The following TUNAR variants were observed in gnomAD, a reference collection of about 807,000 sequenced individuals.
TUNAR encodes transmembrane neural differentiation associated intracellular calcium regulator.
At chr14:95,891,656 T>C (rs774109183) in intron 2 of TUNAR, among the ~76,000 whole-genome samples, 2 of 152,246 alleles carry the variant, frequency 1.3e-5, no homozygotes, top group Non-Finnish European at 2.9e-5. Context: ...TGGGAAGCTG[T>C]TCCTGATCTT....
At chr14:95,897,959 C>T (rs1359126351) in intron 2 of TUNAR, among the ~76,000 whole-genome samples, 1 of 151,780 alleles carries the variant, frequency 6.6e-6, no homozygotes, top group East Asian at 1.9e-4. Context: ...TGTTTTGTTT[C>T]TTCTGGAGAG....
At chr14:95,905,743 T>A (rs1048319656) in intron 2 of TUNAR, among the ~76,000 whole-genome samples, 1 of 152,218 alleles carries the variant, frequency 6.6e-6, no homozygotes, top group African/African-American at 2.4e-5. Flanking sequence ...CATCGGTAGA[T>A]CTTGTCCACA....
At position 95,924,337 on chromosome 14, in the gene TUNAR, C is replaced by T. The variant is rs1201928331; in HGVS notation, c.*1371C>T. On this transcript the variant is annotated 3_prime_UTR_variant, in exon 3 of 3. Coordinates refer to ENST00000678517, the Ensembl canonical transcript of TUNAR. ...TTTTAAAGCCCCTGGTTTACACCCA[C>T]ATGAAGCTATTTCCTCTCTGGCAGG... 2.6e-5 allele frequency: 4 copies of T among 152,262 alleles called. No homozygotes were observed. In the East Asian group the frequency reaches 5.8e-4, roughly 22 times the overall value. 9.4% of individuals were successfully genotyped at this position (152,262 alleles called of 1,614,324 possible).
chr14:95,914,855 A>G (rs56739779), intron 2 of TUNAR, among the ~76,000 whole-genome samples: 16,718 of 152,152 alleles, frequency 0.11, 2,264 homozygotes, highest in African/African-American at 0.32. Flanking sequence ...ACTGAGACAA[A>G]ATTGGATCCC....
chr14:95,891,540 G>A (rs1889180582), intron 2 of TUNAR, among the ~76,000 whole-genome samples: 1 of 152,228 alleles, frequency 6.6e-6, no homozygotes, highest in Admixed American at 6.5e-5. Flanking sequence ...ACCCTCAGGA[G>A]CCTGCCCAGG....
At chr14:95,912,362 C>T (rs970595180) in intron 2 of TUNAR, among the ~76,000 whole-genome samples, 1 of 152,056 alleles carries the variant, frequency 6.6e-6, no homozygotes, top group Non-Finnish European at 1.5e-5. Context: ...TTTACATTAC[C>T]TAATATTCTC....
chr14:95,892,731 C>A (rs1380802015), intron 2 of TUNAR, among the ~76,000 whole-genome samples: 3 of 152,226 alleles, frequency 2.0e-5, no homozygotes, highest in African/African-American at 7.2e-5. Flanking sequence ...GTGAGGCTCC[C>A]CTGGGCAAGT....
At chr14:95,906,481 A>G (rs1195800161) in intron 2 of TUNAR, among the ~76,000 whole-genome samples, 1 of 152,256 alleles carries the variant, frequency 6.6e-6, no homozygotes, top group Admixed American at 6.5e-5. Flanking sequence ...ATTTAATTCT[A>G]GTATACACTA....
In TUNAR at chr14:95,899,352, C is replaced by T. The variant is rs147550373; in HGVS notation, c.12+22175C>T. On this transcript the variant is annotated intron_variant, in intron 2 of 2. Coordinates refer to ENST00000678517, the Ensembl canonical transcript of TUNAR. ...CCCCCCACAAAAAGCTCAGACTTCTCCCTCTCAGAACAGGAGACCCTCAGC... is the reference window on the plus strand; with the variant it reads ...CCCCCCACAAAAAGCTCAGACTTCTTCCTCTCAGAACAGGAGACCCTCAGC... Among the ~76,000 whole-genome samples the T allele has an allele frequency of 4.8e-3, 730 of 152,288 alleles. 3 individuals are homozygous for T. Among genetic ancestry groups the T allele is most frequent in the African/African-American group, 0.016 (683 of 41,558 alleles).
intron 2 of TUNAR, among the ~76,000 whole-genome samples, chr14:95,884,429 G>A (rs751542612): frequency 6.6e-6 from 1 of 152,160 alleles, no homozygotes; most frequent in African/African-American, 2.4e-5. Context: ...GGTAGGTGGG[G>A]CACAACCCTG....
intron 2 of TUNAR, among the ~76,000 whole-genome samples, chr14:95,908,732 G>C (rs1165941354): frequency 6.6e-6 from 1 of 152,186 alleles, no homozygotes; most frequent in African/African-American, 2.4e-5. Flanking sequence ...ACCATAAGAG[G>C]CCTTGGCTAT....
chr14:95,905,238 A>G (rs762997719), intron 2 of TUNAR, among the ~76,000 whole-genome samples: 4 of 152,224 alleles, frequency 2.6e-5, no homozygotes, highest in African/African-American at 9.6e-5. Flanking sequence ...ACCAACGTGT[A>G]ATACTATTAA....
At chr14:95,903,448 C>T (rs750767427) in intron 2 of TUNAR, among the ~76,000 whole-genome samples, 1 of 152,162 alleles carries the variant, frequency 6.6e-6, no homozygotes, top group Admixed American at 6.5e-5. Context: ...CCCAGAGACC[C>T]CTTGAGATCA....
chr14:95,886,148 A>C (rs142990694), intron 2 of TUNAR, among the ~76,000 whole-genome samples: 29 of 152,304 alleles, frequency 1.9e-4, no homozygotes, highest in African/African-American at 6.7e-4. Context: ...TCCTGGCCTA[A>C]AAACAATGCT....
Position 95,880,450 on chromosome 14 carries a change from T to C in TUNAR, c.12+3273T>C, listed in dbSNP as rs577378625. ...TTGCACGGTAGAGGCTCAGCACAAA[T>C]CTGAGAGCACTAGAATGAGCCATGA... is the stretch of plus-strand genomic sequence containing the variant. On this transcript the variant is annotated intron_variant, in intron 2 of 2. Transcript: ENST00000678517. 2.6e-4 allele frequency among the ~76,000 whole-genome samples: 40 copies of C among 152,188 alleles called. No individual in the cohort carries two copies. The South Asian group carries it at 7.7e-3, about 29-fold the overall frequency.
chr14:95,898,676 A>C (rs1352720360), intron 2 of TUNAR, among the ~76,000 whole-genome samples: 1 of 151,442 alleles, frequency 6.6e-6, no homozygotes, highest in Non-Finnish European at 1.5e-5. Flanking sequence ...AACCTCTGAG[A>C]GCTTTTTCTT....
intron 2 of TUNAR, among the ~76,000 whole-genome samples, chr14:95,877,448 A>G (rs1380733406): frequency 1.3e-5 from 2 of 152,174 alleles, no homozygotes; most frequent in African/African-American, 4.8e-5. Context: ...ATGTGTATGC[A>G]GCTAGGTTCA....
intron 2 of TUNAR, among the ~76,000 whole-genome samples, chr14:95,890,482 G>A (rs1287402221): frequency 1.3e-5 from 2 of 152,192 alleles, no homozygotes; most frequent in Non-Finnish European, 2.9e-5. Context: ...GGAGCCCTCT[G>A]CTCTAAACAG....
At position 95,886,734 on chromosome 14, in the gene TUNAR, C is replaced by T. The variant is rs150247984; in HGVS notation, c.12+9557C>T. Reference sequence around the variant, plus strand: ...GAGAAGTGGAATTGTGGCCGAGTAGCACATGAAATCACTCTGGAGTCGGTC... The same window carrying T: ...GAGAAGTGGAATTGTGGCCGAGTAGTACATGAAATCACTCTGGAGTCGGTC... On this transcript the variant is annotated intron_variant, in intron 2 of 2. Transcript: ENST00000678517. Among the ~76,000 whole-genome samples, 279 of 152,338 alleles carry T rather than the reference C, an allele frequency of 1.8e-3. 1 individual carries two copies. The highest frequency in any genetic ancestry group is 6.4e-3 in the African/African-American group (264 of 41,562).
Sources: gnomAD v4.1 joint callset for allele counts (sites outside exome capture counted in the v4.1 genomes callset) on GRCh38, gnomAD v4.1.1 for gene constraint, MANE v1.5 for transcripts, NCBI Gene and HGNC (gene_info 2026-07-23, HGNC 2026-07-21) for gene names.